Variants in P4HA2 observed in about 807,000 individuals in gnomAD.
The protein encoded by P4HA2 is prolyl 4-hydroxylase subunit alpha 2.
In P4HA2, 46 loss-of-function variants were observed where a neutral mutation model predicts 76.9. That is an observed-to-expected ratio of 0.60 (90% CI 0.47 to 0.76). P4HA2 has a LOEUF of 0.76. P4HA2 is among the 30% of genes least tolerant of loss of function. The probability of loss-of-function intolerance (pLI) is 0.00; values close to 1 mark genes in which losing one functional copy is unlikely to be tolerated. For missense variants in P4HA2, 583 were observed against 669.4 expected (o/e 0.87, Z 1.42); for synonymous variants, 243 against 254.0 (o/e 0.96, Z 0.41).
chr5:132,213,662 T>C (rs1753420042), intron 5 of P4HA2, among the ~76,000 whole-genome samples: 1 of 151,002 alleles, frequency 6.6e-6, no homozygotes, highest in South Asian at 2.1e-4. Flanking sequence ...GTGGAGGGGG[T>C]TCCTGAGCAG....
chr5:132,209,469 A>C, intron 6 of P4HA2, 138 bp from the exon 7 acceptor site: 1 of 741,180 alleles, frequency 1.3e-6, no homozygotes, highest in Non-Finnish European at 2.2e-6. Flanking sequence ...ATCTAACCAG[A>C]GTACGCTGGT....
At position 132,209,222 on chromosome 5, in the gene P4HA2, TG is replaced by T. The variant is rs1239257068; in HGVS notation, c.818del (p.Pro273GlnfsTer29). 6.2e-7 allele frequency: 1 copy of T among 1,613,856 alleles called. No individual in the cohort carries two copies. Among genetic ancestry groups the T allele is most frequent in the South Asian group, 1.1e-5 (1 of 91,086 alleles). ...TNQTEAELATPEGIYERPVDY... is the reference protein window; with the variant it reads ...TNQTEAELATXEGIYERPVDY... ...CCACAGGCCTCTCATAGATGCCTTCTGGGGTTGCTAGCTCAGCTTCTGTCTG... is the reference window on the plus strand; with the variant it reads ...CCACAGGCCTCTCATAGATGCCTTCTGGGTTGCTAGCTCAGCTTCTGTCTG... On this transcript the variant is annotated frameshift_variant, in exon 7 of 15. Coordinates refer to ENST00000360568, the MANE Select transcript of P4HA2 (RefSeq NM_001017974.2). LOFTEE classifies it high-confidence loss of function.
intron 4 of P4HA2, 151 bp downstream of exon 4, chr5:132,217,046 G>C: frequency 1.7e-6 from 1 of 604,766 alleles, no homozygotes; most frequent in Non-Finnish European, 2.7e-6. Context: ...TCCCCACAGA[G>C]AAGGGAGAGA....
chr5:132,204,298 A>T, intron 8 of P4HA2, 146 bp from the exon 9 acceptor site: 1 of 677,302 alleles, frequency 1.5e-6, no homozygotes, highest in Admixed American at 2.3e-5. Flanking sequence ...AGGCCCCAAG[A>T]TCCTGCAGGC....
At chr5:132,217,965 C>T (rs1211888943) in intron 2 of P4HA2, 117 bp from the exon 3 acceptor site, 1 of 644,802 alleles carries the variant, frequency 1.6e-6, no homozygotes, top group African/African-American at 1.8e-5. Context: ...AACATGTCAG[C>T]TCTCTGAGGA....
chr5:132,193,347 A>C (rs919031080), intron 14 of P4HA2: 3 of 286,994 alleles, frequency 1.0e-5, no homozygotes, highest in Non-Finnish European at 2.0e-5. Context: ...ATGCCCTTTC[A>C]TGCCCATGAC....
intron 5 of P4HA2, among the ~76,000 whole-genome samples, chr5:132,213,051 C>T (rs935955173): frequency 4.6e-5 from 7 of 152,154 alleles, no homozygotes; most frequent in African/African-American, 7.2e-5. Flanking sequence ...AACACTAACA[C>T]TGGGAAGTCA....
chr5:132,202,081 T>C (rs1751577303), intron 10 of P4HA2: 1 of 152,008 alleles, frequency 6.6e-6, no homozygotes, highest in Non-Finnish European at 1.5e-5. Context: ...ACATCAAGAG[T>C]GCCTATCACT....
At chr5:132,199,046 C>A in intron 10 of P4HA2, 114 bp from the exon 11 acceptor site, 1 of 735,752 alleles carries the variant, frequency 1.4e-6, no homozygotes. Context: ...CTCCCAAGAG[C>A]AGCCTCTCTA....
In P4HA2 at chr5:132,191,851, A is replaced by G. The variant is rs1303220256; in HGVS notation, c.*1159T>C. On this transcript the variant is annotated 3_prime_UTR_variant, in exon 15 of 15. Transcript: ENST00000360568. The stretch of plus-strand genomic sequence containing the variant: ...ATATACAAAGACTGAAATCAATTCC[A>G]GTGTTTATCAGCAGCATGCTGCCTG... The G allele has an allele frequency of 1.3e-5, 2 of 152,272 alleles. No homozygotes were observed. Among genetic ancestry groups the G allele is most frequent in the Non-Finnish European group, 2.9e-5 (2 of 68,048 alleles). 9.4% of individuals were successfully genotyped at this position (152,272 alleles called of 1,614,324 possible).
chr5:132,199,750 G>A (rs1342322492), intron 10 of P4HA2: 2 of 152,200 alleles, frequency 1.3e-5, no homozygotes, highest in South Asian at 2.1e-4. Context: ...TGTCCATCTG[G>A]GAACAGTTGG....
At chr5:132,224,264 G>A (rs564062112) in intron 1 of P4HA2, among the ~76,000 whole-genome samples, 15 of 152,326 alleles carry the variant, frequency 9.8e-5, no homozygotes, top group Non-Finnish European at 1.5e-4. Context: ...ACCACTTCCC[G>A]GCTTTGTGAC....
At chr5:132,208,397 GGGGGA>G (rs1390825804) in intron 7 of P4HA2, among the ~76,000 whole-genome samples, 1 of 14,006 alleles carries the variant, frequency 7.1e-5, no homozygotes, top group Non-Finnish European at 1.9e-4. Context: ...GGGGAGGGGA[GGGGGA>G]GGGGAGGGGG....
intron 14 of P4HA2, 48 bp from the exon 15 acceptor site, chr5:132,193,128 A>G (rs1448940157): frequency 7.6e-7 from 1 of 1,317,708 alleles, no homozygotes; most frequent in Non-Finnish European, 1.1e-6. Context: ...TCAGTTTAGT[A>G]GCCTGAATGA....
chr5:132,222,358 G>A (rs1404254483), intron 1 of P4HA2, among the ~76,000 whole-genome samples: 1 of 152,114 alleles, frequency 6.6e-6, no homozygotes, highest in Non-Finnish European at 1.5e-5. Flanking sequence ...ATAAGCTGCT[G>A]CCACGGCACC....
chr5:132,207,683 G>T, intron 8 of P4HA2, 25 bp downstream of exon 8: 1 of 1,604,546 alleles, frequency 6.2e-7, no homozygotes, highest in South Asian at 1.1e-5. Flanking sequence ...TCAGTGACCC[G>T]AGAAGGACCT....
chr5:132,209,094 C>A (rs201593595), intron 7 of P4HA2, 44 bp downstream of exon 7: 6 of 1,461,984 alleles, frequency 4.1e-6, no homozygotes, highest in South Asian at 1.2e-5. Flanking sequence ...GAGCCAGAGT[C>A]CAGGTCCACA....
chr5:132,195,750 T>C, intron 12 of P4HA2: 1 of 522,260 alleles, frequency 1.9e-6, no homozygotes, highest in Non-Finnish European at 3.5e-6. Context: ...TGGATGAAAA[T>C]AATCTGAGTC....
At chr5:132,223,214 G>A (rs1345232514) in intron 1 of P4HA2, among the ~76,000 whole-genome samples, 1 of 152,204 alleles carries the variant, frequency 6.6e-6, no homozygotes, top group Non-Finnish European at 1.5e-5. Context: ...TCTCTGTGCA[G>A]AGTAGCCAGC....
Sources: gnomAD v4.1 joint callset for allele counts (sites outside exome capture counted in the v4.1 genomes callset) on GRCh38, gnomAD v4.1.1 for gene constraint, MANE v1.5 for transcripts, NCBI Gene and HGNC (gene_info 2026-07-23, HGNC 2026-07-21) for gene names.